HMGB1: variants seen among roughly 807,000 people sequenced by gnomAD.
The protein encoded by HMGB1 is high mobility group protein B1.
For missense variants in HMGB1, 79 were observed against 253.5 expected, an observed-to-expected ratio of 0.31 and a Z score of 4.67; for synonymous variants, 81 against 84.0, an observed-to-expected ratio of 0.96 and a Z score of 0.19.
intron 1 of HMGB1, among the ~76,000 whole-genome samples, chr13:30,517,777 G>T (rs2137470408): frequency 6.6e-6 from 1 of 152,262 alleles, no homozygotes; most frequent in Admixed American, 6.5e-5. Flanking sequence ...ATCCTCTGTA[G>T]TTCTCTCCAC....
intron 1 of HMGB1, among the ~76,000 whole-genome samples, chr13:30,612,673 T>C (rs2137577032): frequency 6.6e-6 from 1 of 152,346 alleles, no homozygotes; most frequent in Middle Eastern, 3.4e-3. Context: ...CTAAATTCCT[T>C]CTAGTCCTTA....
intron 1 of HMGB1, among the ~76,000 whole-genome samples, chr13:30,508,960 G>A (rs1458175429): frequency 1.3e-5 from 2 of 152,000 alleles, no homozygotes; most frequent in East Asian, 3.8e-4. Context: ...TTTGAGACAG[G>A]GTCTTGCTAT....
intron 1 of HMGB1, among the ~76,000 whole-genome samples, chr13:30,609,939 G>A (rs774568296): frequency 1.1e-4 from 16 of 152,174 alleles, no homozygotes; most frequent in Non-Finnish European, 2.2e-4. Context: ...TTGTATGGAT[G>A]AATAGTATTC....
At chr13:30,580,427 A>T (rs1317327721) in intron 1 of HMGB1, among the ~76,000 whole-genome samples, 2 of 152,206 alleles carry the variant, frequency 1.3e-5, no homozygotes, top group African/African-American at 4.8e-5. Flanking sequence ...ATCTGGAATC[A>T]CCTTGGGCTC....
At chr13:30,521,097 G>A (rs1210861015) in intron 1 of HMGB1, among the ~76,000 whole-genome samples, 1 of 152,158 alleles carries the variant, frequency 6.6e-6, no homozygotes, top group Non-Finnish European at 1.5e-5. Context: ...AGACATGTTG[G>A]TAAGAGGTTA....
At chr13:30,525,854 T>G (rs1285691472) in intron 1 of HMGB1, among the ~76,000 whole-genome samples, 17 of 149,168 alleles carry the variant, frequency 1.1e-4, no homozygotes, top group Middle Eastern at 3.4e-3. Context: ...AAGATGAGAT[T>G]GTGGGGGGAC....
intron 1 of HMGB1, among the ~76,000 whole-genome samples, chr13:30,613,300 GGT>G (rs1950529901): frequency 2.0e-5 from 3 of 152,204 alleles, no homozygotes; most frequent in Admixed American, 2.0e-4. Context: ...TGGGATTAGA[GGT>G]GTGAGCCACT....
intron 1 of HMGB1, chr13:30,542,718 C>T (rs1868950410): frequency 4.6e-6 from 1 of 219,562 alleles, no homozygotes; most frequent in East Asian, 1.2e-4. Flanking sequence ...GAAAATTCCT[C>T]ATCCGCCTCA....
intron 1 of HMGB1, among the ~76,000 whole-genome samples, chr13:30,588,745 C>T (rs774716341): frequency 2.0e-5 from 3 of 151,830 alleles, no homozygotes; most frequent in African/African-American, 7.2e-5. Context: ...GGTGAAACCC[C>T]GTCTCTACTA....
intron 1 of HMGB1, among the ~76,000 whole-genome samples, chr13:30,557,253 A>G (rs1869730891): frequency 6.6e-6 from 1 of 152,128 alleles, no homozygotes; most frequent in Non-Finnish European, 1.5e-5. Flanking sequence ...ATCTTTTTCC[A>G]TGTTTTCATC....
intron 1 of HMGB1, among the ~76,000 whole-genome samples, chr13:30,568,066 G>T (rs1478126821): frequency 2.6e-5 from 4 of 152,190 alleles, no homozygotes; most frequent in African/African-American, 9.7e-5. Context: ...GAATCTTCCA[G>T]GATGTATAGT....
chr13:30,611,408 C>T (rs1256553646), intron 1 of HMGB1, among the ~76,000 whole-genome samples: 2 of 152,146 alleles, frequency 1.3e-5, no homozygotes, highest in African/African-American at 4.8e-5. Flanking sequence ...GTGATCTGCC[C>T]ACCTCGGCCT....
At chr13:30,462,501 T>C (rs1190951838) in intron 4 of HMGB1, 37 bp downstream of exon 4, 3 of 1,525,774 alleles carry the variant, frequency 2.0e-6, no homozygotes, top group African/African-American at 2.7e-5. Flanking sequence ...TCTGGCGTAC[T>C]TGTCATCATT....
chr13:30,524,192 G>C (rs1056047835), intron 1 of HMGB1, among the ~76,000 whole-genome samples: 1 of 151,936 alleles, frequency 6.6e-6, no homozygotes, highest in African/African-American at 2.4e-5. Flanking sequence ...CTGTCAAGGG[G>C]TGGGGAGCAA....
chr13:30,532,325 A>T (rs1393101964), intron 1 of HMGB1, among the ~76,000 whole-genome samples: 2 of 106,548 alleles, frequency 1.9e-5, no homozygotes, highest in East Asian at 2.8e-4. Context: ...ACAGAGCAAG[A>T]CTCTGTCTCA....
At chr13:30,470,469 G>C (rs896896012), upstream of HMGB1, among the ~76,000 whole-genome samples, 1 of 152,120 alleles carries the variant, frequency 6.6e-6, no homozygotes, top group African/African-American at 2.4e-5. Flanking sequence ...ACAGTTGGAG[G>C]GTGAGAGGGG....
chr13:30,463,949 G>T, intron 1 of HMGB1: 1 of 371,628 alleles, frequency 2.7e-6, no homozygotes, highest in Non-Finnish European at 4.3e-6. Flanking sequence ...TACCCATACA[G>T]TATTCCCTAT....
At position 30,572,401 on chromosome 13, in the gene HMGB1, G is replaced by A. The variant is rs528584621; in HGVS notation, c.-15+44270C>T. On this transcript the variant is annotated intron_variant, in intron 1 of 4. Coordinates refer to the HMGB1 transcript ENST00000405805. Reference sequence around the variant, plus strand: ...TCTTCATTTTGTTGATAGAAGCTGGGTTATTTATTATGAAATTTCAAAAAT... The same window carrying A: ...TCTTCATTTTGTTGATAGAAGCTGGATTATTTATTATGAAATTTCAAAAAT... Among the ~76,000 whole-genome samples, 3 of 152,216 alleles carry A rather than the reference G, an allele frequency of 2.0e-5. No homozygotes were observed. The East Asian group carries it at 5.8e-4, about 29-fold the overall frequency.
chr13:30,607,745 G>T (rs546665352), intron 1 of HMGB1, among the ~76,000 whole-genome samples: 144 of 152,136 alleles, frequency 9.5e-4, no homozygotes, highest in African/African-American at 3.3e-3. Context: ...GACAGGAAGG[G>T]GCTGGTAGTA....
Sources: gnomAD v4.1 joint callset for allele counts (sites outside exome capture counted in the v4.1 genomes callset) on GRCh38, gnomAD v4.1.1 for gene constraint, MANE v1.5 for transcripts, NCBI Gene and HGNC (gene_info 2026-07-23, HGNC 2026-07-21) for gene names.